Variants in RAP1A observed in about 807,000 individuals in gnomAD.
RAP1A encodes ras-related protein Rap-1A.
In RAP1A, 6 loss-of-function variants were observed where a neutral mutation model predicts 26.4. The observed-to-expected ratio is 0.23, with a 90% CI of 0.12 to 0.45. The LOEUF (loss-of-function observed/expected upper bound fraction) is 0.45, where lower values mean the gene tolerates loss of function less well. RAP1A is among the 20% of genes least tolerant of loss of function. The pLI is 0.99. For missense variants in RAP1A, 121 were observed against 217.2 expected, an observed-to-expected ratio of 0.56 and a Z score of 2.78; for synonymous variants, 73 against 79.4, an observed-to-expected ratio of 0.92 and a Z score of 0.43.
chr1:111,586,205 A>T (rs1440810109), intron 1 of RAP1A, among the ~76,000 whole-genome samples: 2 of 152,182 alleles, frequency 1.3e-5, no homozygotes, highest in African/African-American at 4.8e-5. Flanking sequence ...TAATTTTTTT[A>T]AAATTTAAAC....
chr1:111,637,814 G>A (rs1659770297), intron 1 of RAP1A, among the ~76,000 whole-genome samples: 1 of 151,948 alleles, frequency 6.6e-6, no homozygotes, highest in African/African-American at 2.4e-5. Flanking sequence ...TAAATGATTT[G>A]TCTATAGTTT....
intron 1 of RAP1A, among the ~76,000 whole-genome samples, chr1:111,569,547 C>G (rs1658001063): frequency 6.6e-6 from 1 of 152,028 alleles, no homozygotes; most frequent in Non-Finnish European, 1.5e-5. Context: ...AAATCAAGTT[C>G]TGTCTCTGTA....
intron 1 of RAP1A, among the ~76,000 whole-genome samples, chr1:111,653,037 CAA>C (rs1345422035): frequency 6.6e-6 from 1 of 151,964 alleles, no homozygotes; most frequent in African/African-American, 2.4e-5. Flanking sequence ...GATAAATAAA[CAA>C]AATGTGATAT....
At chr1:111,570,484 GGGGA>G (rs1469917840) in intron 1 of RAP1A, among the ~76,000 whole-genome samples, 2 of 152,106 alleles carry the variant, frequency 1.3e-5, no homozygotes, top group African/African-American at 4.8e-5. Flanking sequence ...GCCAAATGTG[GGGGA>G]GCAGGCAGAG....
At chr1:111,543,009 G>A (rs1656900455) in intron 1 of RAP1A, among the ~76,000 whole-genome samples, 1 of 152,086 alleles carries the variant, frequency 6.6e-6, no homozygotes, top group Non-Finnish European at 1.5e-5. Flanking sequence ...CCATGTATTT[G>A]TTTTATAACC....
At chr1:111,642,021 G>C (rs1308840382) in intron 1 of RAP1A, among the ~76,000 whole-genome samples, 1 of 152,170 alleles carries the variant, frequency 6.6e-6, no homozygotes. Context: ...AAGGTGGGCG[G>C]ATCACCTGAG....
At chr1:111,662,578 C>T (rs1660675452) in intron 1 of RAP1A, among the ~76,000 whole-genome samples, 1 of 151,906 alleles carries the variant, frequency 6.6e-6, no homozygotes, top group African/African-American at 2.4e-5. Context: ...AACACTCTGG[C>T]CATACTAAGA....
chr1:111,579,945 A>G (rs1230837330), intron 1 of RAP1A, among the ~76,000 whole-genome samples: 1 of 152,010 alleles, frequency 6.6e-6, no homozygotes, highest in Non-Finnish European at 1.5e-5. Context: ...GCACATCACC[A>G]TGCATGTCTG....
chr1:111,650,398 A>G (rs1210235568), intron 1 of RAP1A: 1 of 152,164 alleles, frequency 6.6e-6, no homozygotes, highest in Non-Finnish European at 1.5e-5. Flanking sequence ...CATTTACCAG[A>G]AAAGTATGCC....
At chr1:111,665,732 C>T (rs1660781299) in intron 1 of RAP1A, among the ~76,000 whole-genome samples, 2 of 152,094 alleles carry the variant, frequency 1.3e-5, no homozygotes, top group Admixed American at 1.3e-4. Flanking sequence ...GATCCAAGAG[C>T]ACATGTAGTT....
chr1:111,630,499 C>G (rs1659537034), intron 1 of RAP1A, among the ~76,000 whole-genome samples: 1 of 151,992 alleles, frequency 6.6e-6, no homozygotes. Flanking sequence ...AGTAGAGAGA[C>G]ACAGTAGAAA....
chr1:111,549,236 A>G (rs1165129433), intron 1 of RAP1A, among the ~76,000 whole-genome samples: 1 of 151,382 alleles, frequency 6.6e-6, no homozygotes, highest in Non-Finnish European at 1.5e-5. Context: ...TTTTTAAAAA[A>G]TCTTTGTGAA....
intron 1 of RAP1A, among the ~76,000 whole-genome samples, chr1:111,544,132 ATC>A (rs1165067121): frequency 6.6e-6 from 1 of 152,202 alleles, no homozygotes; most frequent in African/African-American, 2.4e-5. Context: ...AAACTAACTT[ATC>A]TCTGTTAATG....
intron 1 of RAP1A, chr1:111,563,886 G>A: frequency 6.2e-7 from 1 of 1,613,624 alleles, no homozygotes; most frequent in Non-Finnish European, 8.5e-7. Flanking sequence ...CAGTCTGGCT[G>A]CTCTTCCCAG....
At chr1:111,648,679 T>C in intron 1 of RAP1A, 1 of 546,846 alleles carries the variant, frequency 1.8e-6, no homozygotes, top group Non-Finnish European at 3.4e-6. Context: ...GACTGGACTG[T>C]ATGTCTCAGC....
chr1:111,626,725 A>G (rs745670966), intron 1 of RAP1A, among the ~76,000 whole-genome samples: 1 of 152,132 alleles, frequency 6.6e-6, no homozygotes, highest in Non-Finnish European at 1.5e-5. Flanking sequence ...AATGAGAACA[A>G]TTTTTCTGGT....
chr1:111,570,684 G>A (rs141756137), intron 1 of RAP1A, among the ~76,000 whole-genome samples: 2 of 152,242 alleles, frequency 1.3e-5, no homozygotes, highest in African/African-American at 2.4e-5. Flanking sequence ...TTTTTGTGCT[G>A]TCATAACATG....
intron 1 of RAP1A, among the ~76,000 whole-genome samples, chr1:111,644,051 C>T (rs1248383893): frequency 1.3e-5 from 2 of 152,198 alleles, no homozygotes; most frequent in African/African-American, 4.8e-5. Flanking sequence ...TGACGATAAT[C>T]TCCTTAAAGT....
intron 1 of RAP1A, among the ~76,000 whole-genome samples, chr1:111,690,418 A>G (rs1661633070): frequency 6.6e-6 from 1 of 152,184 alleles, no homozygotes; most frequent in Non-Finnish European, 1.5e-5. Context: ...GGAATTTTAT[A>G]TGCTTAGCTT....
Sources: allele counts gnomAD v4.1 joint callset (sites outside exome capture counted in the v4.1 genomes callset), GRCh38; gene constraint gnomAD v4.1.1; transcripts MANE v1.5; gene names NCBI Gene and HGNC (gene_info 2026-07-23, HGNC 2026-07-21).